MREG: variants seen among roughly 807,000 people sequenced by gnomAD.
MREG encodes the protein melanoregulin.
MREG carries 31 observed loss-of-function variants against 28.5 expected under a neutral mutation model. The observed-to-expected ratio is 1.09, with a 90% confidence interval of 0.82 to 1.47. The LOEUF (loss-of-function observed/expected upper bound fraction) is 1.47, where lower values mean the gene tolerates loss of function less well. MREG is among the 40% of genes most tolerant of loss of function. MREG has a pLI of 0.00. For synonymous variants in MREG, 106 were observed against 95.2 expected, an observed-to-expected ratio of 1.11 and a Z score of -0.66; for missense variants, 256 against 257.4, an observed-to-expected ratio of 0.99 and a Z score of 0.04.
chr2:216,026,652 C>T (rs1170764656), intron 1 of MREG, among the ~76,000 whole-genome samples: 1 of 152,166 alleles, frequency 6.6e-6, no homozygotes, highest in Non-Finnish European at 1.5e-5. Flanking sequence ...TGAGCCACCA[C>T]AACTGGCTAA....
At chr2:216,015,832 G>A (rs561347182), upstream of MREG, among the ~76,000 whole-genome samples, 3 of 152,292 alleles carry the variant, frequency 2.0e-5, no homozygotes, top group South Asian at 2.1e-4. Flanking sequence ...CCCAAGTTTT[G>A]GATTTATAAA....
intron 2 of MREG, among the ~76,000 whole-genome samples, chr2:215,968,058 G>C (rs1176810153): frequency 6.6e-6 from 1 of 152,178 alleles, no homozygotes; most frequent in Non-Finnish European, 1.5e-5. Context: ...CCTCTTCACA[G>C]CACATCAGCC....
intron 2 of MREG, among the ~76,000 whole-genome samples, chr2:215,956,388 C>G (rs573041867): frequency 1.3e-5 from 2 of 152,308 alleles, no homozygotes; most frequent in East Asian, 3.9e-4. Context: ...TCTAATCTAT[C>G]AATGATCTAT....
intron 2 of MREG, among the ~76,000 whole-genome samples, chr2:215,970,110 C>T (rs555468738): frequency 6.6e-6 from 1 of 152,318 alleles, no homozygotes; most frequent in Admixed American, 6.5e-5. Flanking sequence ...TATTTAGACA[C>T]AATCTCTTTA....
chr2:216,018,366 C>T (rs112544688), upstream of MREG, among the ~76,000 whole-genome samples: 3 of 152,326 alleles, frequency 2.0e-5, no homozygotes, highest in African/African-American at 7.2e-5. Context: ...GCAATATCCC[C>T]AACGCCTAGA....
chr2:216,011,794 C>G (rs1000637647), intron 1 of MREG, among the ~76,000 whole-genome samples: 9 of 152,182 alleles, frequency 5.9e-5, no homozygotes, highest in African/African-American at 2.2e-4. Flanking sequence ...ACTCAAGCCT[C>G]TGAGGTTGAA....
intron 2 of MREG, among the ~76,000 whole-genome samples, chr2:215,990,233 G>A (rs1693686697): frequency 6.6e-6 from 1 of 152,180 alleles, no homozygotes; most frequent in East Asian, 1.9e-4. Flanking sequence ...GAGAGTGGGG[G>A]CCAATATTCA....
intron 2 of MREG, among the ~76,000 whole-genome samples, chr2:215,983,246 C>T (rs963065021): frequency 2.0e-4 from 31 of 152,288 alleles, no homozygotes; most frequent in Middle Eastern, 3.4e-3. Context: ...CAGATGGCCC[C>T]GAAAGAGTGG....
chr2:216,015,403 G>A (rs1033722320), upstream of MREG, among the ~76,000 whole-genome samples: 3 of 152,280 alleles, frequency 2.0e-5, no homozygotes, highest in Middle Eastern at 3.4e-3. Flanking sequence ...GTACCTGTGG[G>A]AGAATATGGA....
rs1172682973 is a variant in MREG at position 215,943,838 on chromosome 2, CAAAA to C, written c.*1021_*1024del. 1.1e-4 allele frequency: 5 copies of C among 47,212 alleles called. No homozygotes were observed. Among genetic ancestry groups the C allele is most frequent in the Non-Finnish European group, 1.1e-4 (3 of 27,432 alleles). 2.9% of individuals were successfully genotyped at this position (47,212 alleles called of 1,614,324 possible). A position where few individuals can be genotyped will look rare whatever the true frequency, so the allele number is the denominator to read the frequency against. ...CCTGGGCGACAGAGCGAGAGTCCAT[CAAAA>C]AAAAAAAAAAAAAAAAAAAGAGCGA... On this transcript the variant is annotated 3_prime_UTR_variant, in exon 5 of 5. Transcript: ENST00000263268.
At chr2:216,010,400 C>T (rs561547865) in intron 1 of MREG, among the ~76,000 whole-genome samples, 7 of 129,340 alleles carry the variant, frequency 5.4e-5, no homozygotes, top group African/African-American at 2.1e-4. Context: ...CTCTGTCGCC[C>T]AGGCTGGAGT....
intron 1 of MREG, among the ~76,000 whole-genome samples, chr2:216,002,169 A>C (rs1052670548): frequency 6.6e-6 from 1 of 152,176 alleles, no homozygotes; most frequent in Non-Finnish European, 1.5e-5. Context: ...TTACACACTA[A>C]GCTGCTTTTA....
At chr2:215,951,696 G>A (rs542320631) in intron 2 of MREG, among the ~76,000 whole-genome samples, 72 of 152,006 alleles carry the variant, frequency 4.7e-4, no homozygotes, top group African/African-American at 1.7e-3. Flanking sequence ...TTTTTTCCTC[G>A]TCAGTTGTTG....
chr2:215,945,817 G>T, intron 3 of MREG, 83 bp from the exon 4 acceptor site: 1 of 1,206,336 alleles, frequency 8.3e-7, no homozygotes, highest in Non-Finnish European at 1.2e-6. Context: ...AGGAGATTAC[G>T]AACAGACCCA....
Position 215,945,653 on chromosome 2 carries a change from C to T in MREG, c.428G>A (p.Arg143Gln), listed in dbSNP as rs1304874291. Residue 143 changes from arginine (R) to glutamine (Q), a missense_variant, in exon 4 of 5, where the codon CGA becomes CAA. Arg to Gln is a conservative substitution (Grantham distance 43). Transcript: ENST00000263268. ...ISDSKNTRKA[R>Q]EMLLKLAEET... ...TTCAGCCAGTTTTAACAACATCTCT[C>T]GAGCTTTCCTTGTGTTTTTAGAATC... The T allele has an allele frequency of 6.8e-6, 11 of 1,613,844 alleles. No individual in the cohort carries two copies. The highest frequency in any genetic ancestry group is 6.7e-5 in the East Asian group (3 of 44,890).
chr2:215,956,740 A>G (rs2105975378), intron 2 of MREG, among the ~76,000 whole-genome samples: 1 of 152,178 alleles, frequency 6.6e-6, no homozygotes, highest in African/African-American at 2.4e-5. Flanking sequence ...AGGTCTCACT[A>G]TGTTACCCAG....
At chr2:215,945,059 G>A in intron 4 of MREG, 62 bp from the exon 5 acceptor site, 1 of 1,468,150 alleles carries the variant, frequency 6.8e-7, no homozygotes, top group Non-Finnish European at 9.2e-7. Context: ...ACATGTCGAT[G>A]GGAAAAAGCA....
chr2:215,945,458 C>T, intron 4 of MREG, 113 bp downstream of exon 4: 1 of 1,279,014 alleles, frequency 7.8e-7, no homozygotes, highest in South Asian at 1.5e-5. Context: ...CAGCATCTGC[C>T]ACCTCATATG....
At chr2:215,962,614 T>C (rs1692821589) in intron 2 of MREG, among the ~76,000 whole-genome samples, 1 of 152,212 alleles carries the variant, frequency 6.6e-6, no homozygotes, top group South Asian at 2.1e-4. Context: ...AGTTTAAGCA[T>C]GTACCATTGA....
Sources: allele counts gnomAD v4.1 joint callset (sites outside exome capture counted in the v4.1 genomes callset), GRCh38; gene constraint gnomAD v4.1.1; transcripts MANE v1.5; gene names NCBI Gene and HGNC (gene_info 2026-07-23, HGNC 2026-07-21).